GPC5: variants seen among roughly 807,000 people sequenced by gnomAD.
GPC5 encodes the protein glypican-5.
A neutral mutation model predicts 53.9 loss-of-function variants in GPC5; 47 were observed. The ratio of observed to expected loss-of-function variants is 0.87; its 90% confidence interval spans 0.69 to 1.11. The LOEUF is 1.11. Ranked by LOEUF, GPC5 falls within the 50% of genes most tolerant of loss-of-function variation. GPC5 has a pLI of 0.00. For missense variants in GPC5, 748 were observed against 713.1 expected (o/e 1.05, Z -0.56); for synonymous variants, 286 against 263.3 (o/e 1.09, Z -0.84).
chr13:92,302,734 T>A (rs1594084365), intron 7 of GPC5, among the ~76,000 whole-genome samples: 1 of 152,326 alleles, frequency 6.6e-6, no homozygotes, highest in East Asian at 1.9e-4. Context: ...TCACCTGGAC[T>A]AAACCCTCTT....
At chr13:92,356,683 A>G (rs1451170157) in intron 7 of GPC5, among the ~76,000 whole-genome samples, 1 of 152,190 alleles carries the variant, frequency 6.6e-6, no homozygotes, top group Admixed American at 6.5e-5. Flanking sequence ...AGAGAAGAGG[A>G]AAAAAGAGTG....
chr13:92,793,204 T>A (rs1022581014), intron 7 of GPC5, among the ~76,000 whole-genome samples: 3 of 151,992 alleles, frequency 2.0e-5, no homozygotes. Context: ...CACAGTGCAA[T>A]CAAATTAGAA....
chr13:92,633,581 C>A (rs1456499038), intron 7 of GPC5, among the ~76,000 whole-genome samples: 1 of 151,882 alleles, frequency 6.6e-6, no homozygotes, highest in Non-Finnish European at 1.5e-5. Flanking sequence ...TTATTTATAT[C>A]TTTCTGTATA....
At chr13:92,117,853 T>G (rs1295612499) in intron 6 of GPC5, among the ~76,000 whole-genome samples, 4 of 152,206 alleles carry the variant, frequency 2.6e-5, no homozygotes. Context: ...TAGGTTATTT[T>G]GGATATTTTT....
At chr13:92,537,572 C>T (rs1881766800) in intron 7 of GPC5, among the ~76,000 whole-genome samples, 1 of 152,064 alleles carries the variant, frequency 6.6e-6, no homozygotes, top group Non-Finnish European at 1.5e-5. Flanking sequence ...TGTTTATCAT[C>T]ATCTCCCTGA....
In GPC5 at chr13:91,769,954, A is replaced by G. The variant is rs1176086640; in HGVS notation, c.1280+13534A>G. Among the ~76,000 whole-genome samples, 4 of 152,290 alleles carry G rather than the reference A, an allele frequency of 2.6e-5. No individual in the cohort carries two copies. The South Asian group carries it at 6.2e-4, about 24-fold the overall frequency. On this transcript the variant is annotated intron_variant, in intron 5 of 7. Coordinates refer to ENST00000377067, the MANE Select transcript of GPC5 (RefSeq NM_004466.6). The stretch of plus-strand genomic sequence containing the variant: ...CACAGACCTCACATGTTAAGGGCTT[A>G]GTCCCACAAGATGCCCCCCACTTTA...
At chr13:92,634,816 A>G (rs1310841783) in intron 7 of GPC5, among the ~76,000 whole-genome samples, 1 of 151,804 alleles carries the variant, frequency 6.6e-6, no homozygotes, top group Non-Finnish European at 1.5e-5. Context: ...CTATAGCTTT[A>G]ATTCTTTTCT....
At chr13:91,813,920 A>AT (rs71113766) in intron 5 of GPC5, among the ~76,000 whole-genome samples, 1,155 of 72,644 alleles carry the variant, frequency 0.016, 188 homozygotes, top group African/African-American at 0.044. Flanking sequence ...ATCTTAACTG[A>AT]TTTTTTTTTT....
In GPC5 at chr13:91,797,241, A is replaced by G. The variant is rs576892651; in HGVS notation, c.1280+40821A>G. The stretch of plus-strand genomic sequence containing the variant: ...CCCCTTTCTGTGTACTCTCATTTTA[A>G]TATTATATCATTTAGATAGTACTAG... On this transcript the variant is annotated intron_variant, in intron 5 of 7. Transcript: ENST00000377067. Among the ~76,000 whole-genome samples, 5 of 152,258 alleles carry G rather than the reference A, an allele frequency of 3.3e-5. No individual in the cohort carries two copies. The East Asian group carries it at 7.7e-4, about 24-fold the overall frequency.
chr13:91,403,437 G>A (rs1566366064), intron 1 of GPC5, among the ~76,000 whole-genome samples: 1 of 152,084 alleles, frequency 6.6e-6, no homozygotes, highest in Admixed American at 6.6e-5. Flanking sequence ...GGCTATTTTG[G>A]TAACTTTTAT....
At chr13:91,420,938 T>C (rs1878582509) in intron 1 of GPC5, among the ~76,000 whole-genome samples, 1 of 152,254 alleles carries the variant, frequency 6.6e-6, no homozygotes, top group Non-Finnish European at 1.5e-5. Flanking sequence ...GTAGTATCTT[T>C]ACAGCAGTGT....
intron 6 of GPC5, among the ~76,000 whole-genome samples, chr13:91,915,423 T>A (rs1263584064): frequency 6.7e-6 from 1 of 149,340 alleles, no homozygotes; most frequent in Admixed American, 6.7e-5. Flanking sequence ...GTTTGAGAAC[T>A]TTTTTTTTTA....
chr13:92,863,775 G>C (rs1186872416), intron 7 of GPC5, among the ~76,000 whole-genome samples: 2 of 152,120 alleles, frequency 1.3e-5, no homozygotes, highest in African/African-American at 4.8e-5. Context: ...TTACAGGTGT[G>C]AGCCACTGCT....
chr13:91,567,448 T>C (rs1159938140), intron 2 of GPC5, among the ~76,000 whole-genome samples: 1 of 152,208 alleles, frequency 6.6e-6, no homozygotes. Flanking sequence ...GGTTATAGCA[T>C]TTCTGGGAAA....
At chr13:92,645,750 G>A (rs1303504657) in intron 7 of GPC5, among the ~76,000 whole-genome samples, 2 of 151,740 alleles carry the variant, frequency 1.3e-5, no homozygotes, top group South Asian at 2.1e-4. Context: ...TTTCCTTGTG[G>A]TTTTAATTTG....
At chr13:92,036,263 C>T (rs1033373381) in intron 6 of GPC5, among the ~76,000 whole-genome samples, 1 of 152,106 alleles carries the variant, frequency 6.6e-6, no homozygotes, top group African/African-American at 2.4e-5. Flanking sequence ...TTATCTGTTT[C>T]ATGTTCCTTC....
chr13:91,743,358 G>A (rs183518257), intron 4 of GPC5, among the ~76,000 whole-genome samples: 1 of 152,048 alleles, frequency 6.6e-6, no homozygotes. Context: ...CAGAATCTGT[G>A]GGGGCATAAT....
At chr13:91,949,083 C>T (rs2040002911) in intron 6 of GPC5, among the ~76,000 whole-genome samples, 1 of 152,128 alleles carries the variant, frequency 6.6e-6, no homozygotes, top group Non-Finnish European at 1.5e-5. Flanking sequence ...ACTCATGGCA[C>T]ATATGGAAGC....
intron 2 of GPC5, among the ~76,000 whole-genome samples, chr13:91,512,972 A>G (rs1364897484): frequency 2.0e-5 from 3 of 152,148 alleles, no homozygotes; most frequent in East Asian, 3.9e-4. Context: ...CAGGTCTCAT[A>G]TTTATTTTCT....
Sources: gnomAD v4.1 joint callset for allele counts (sites outside exome capture counted in the v4.1 genomes callset) on GRCh38, gnomAD v4.1.1 for gene constraint, MANE v1.5 for transcripts, NCBI Gene and HGNC (gene_info 2026-07-23, HGNC 2026-07-21) for gene names.